Variants in CNTLN observed in about 807,000 individuals in gnomAD.
The protein encoded by CNTLN is centlein.
CNTLN carries 212 observed loss-of-function variants against 180.0 expected under a neutral mutation model. The observed-to-expected ratio is 1.18, with a 90% CI of 1.05 to 1.32. The LOEUF (loss-of-function observed/expected upper bound fraction) is 1.32, where lower values mean the gene tolerates loss of function less well. Among genes scored for constraint, CNTLN ranks in the 40% most tolerant of loss-of-function variants. The pLI, the probability that CNTLN is intolerant of heterozygous loss-of-function variation, is 0.00. For missense variants in CNTLN, 2,095 were observed against 1,610.9 expected, an observed-to-expected ratio of 1.30 and a Z score of -5.14; for synonymous variants, 722 against 563.1, an observed-to-expected ratio of 1.28 and a Z score of -3.99.
downstream of CNTLN, among the ~76,000 whole-genome samples, chr9:17,507,880 C>G (rs1429999766): frequency 6.6e-6 from 1 of 152,138 alleles, no homozygotes; most frequent in Non-Finnish European, 1.5e-5. Context: ...CAGCTCCTTC[C>G]AACACTTTTT....
chr9:17,250,598 A>G (rs1826079913), intron 5 of CNTLN, among the ~76,000 whole-genome samples: 1 of 152,052 alleles, frequency 6.6e-6, no homozygotes, highest in African/African-American at 2.4e-5. Context: ...AGTGTTTTTG[A>G]TAGTATACAA....
chr9:17,243,316 A>G (rs1358950871), intron 5 of CNTLN, among the ~76,000 whole-genome samples: 3 of 151,960 alleles, frequency 2.0e-5, no homozygotes, highest in South Asian at 4.1e-4. Context: ...TTTCAATTTC[A>G]TTGATTTCTG....
intron 8 of CNTLN, among the ~76,000 whole-genome samples, chr9:17,327,113 G>A (rs1820345853): frequency 1.3e-5 from 2 of 150,374 alleles, no homozygotes; most frequent in Admixed American, 1.3e-4. Context: ...ACTCTGCATA[G>A]TATCTGCTTA....
At chr9:17,307,713 T>G (rs1399409352) in intron 7 of CNTLN, among the ~76,000 whole-genome samples, 1 of 152,120 alleles carries the variant, frequency 6.6e-6, no homozygotes, top group African/African-American at 2.4e-5. Flanking sequence ...CAAGCCTTTT[T>G]AAATTTTAAA....
At chr9:17,195,609 A>G (rs919522347) in intron 2 of CNTLN, among the ~76,000 whole-genome samples, 1 of 152,194 alleles carries the variant, frequency 6.6e-6, no homozygotes, top group Non-Finnish European at 1.5e-5. Context: ...AATTAATTCA[A>G]AATTATTTAC....
chr9:17,277,645 T>C (rs1053880808), intron 6 of CNTLN, among the ~76,000 whole-genome samples: 3 of 152,062 alleles, frequency 2.0e-5, no homozygotes, highest in Admixed American at 6.6e-5. Context: ...CCCAAAATAA[T>C]TTATATATAG....
chr9:17,308,258 C>T (rs1264285552), intron 7 of CNTLN, among the ~76,000 whole-genome samples: 1 of 151,892 alleles, frequency 6.6e-6, no homozygotes, highest in African/African-American at 2.4e-5. Flanking sequence ...TGCATATTGC[C>T]TTGACTTAAA....
intron 23 of CNTLN, among the ~76,000 whole-genome samples, chr9:17,471,022 T>C (rs577301972): frequency 6.6e-6 from 1 of 152,144 alleles, no homozygotes; most frequent in South Asian, 2.1e-4. Context: ...GAATTAACTC[T>C]TTTCACCCTG....
chr9:17,363,456 T>C (rs1823564115), intron 12 of CNTLN, among the ~76,000 whole-genome samples: 1 of 152,094 alleles, frequency 6.6e-6, no homozygotes, highest in African/African-American at 2.4e-5. Flanking sequence ...TTTTGACTTA[T>C]GCTCCTTTTT....
At chr9:17,519,504 G>A in the CNTLN span, among the ~76,000 whole-genome samples, 3 of 152,072 alleles carry the variant, frequency 2.0e-5, no homozygotes, top group Non-Finnish European at 4.4e-5. Context: ...TAAAACAAAG[G>A]TTCACTGCTC....
chr9:17,441,773 AAC>A (rs932293082), intron 18 of CNTLN, among the ~76,000 whole-genome samples: 1 of 152,168 alleles, frequency 6.6e-6, no homozygotes, highest in Admixed American at 6.5e-5. Flanking sequence ...GGATTAAAAA[AAC>A]AGAATTCAGC....
chr9:17,468,999 G>C (rs1044368923), intron 23 of CNTLN, among the ~76,000 whole-genome samples: 3 of 151,546 alleles, frequency 2.0e-5, no homozygotes, highest in Admixed American at 6.6e-5. Flanking sequence ...ATATGGACAG[G>C]CTGTCTTCGG....
intron 2 of CNTLN, among the ~76,000 whole-genome samples, chr9:17,194,420 A>G (rs1295075215): frequency 1.3e-5 from 2 of 152,176 alleles, no homozygotes; most frequent in Non-Finnish European, 2.9e-5. Flanking sequence ...ACCCTAAATC[A>G]TCTCTCTCAA....
intron 18 of CNTLN, among the ~76,000 whole-genome samples, chr9:17,446,161 C>G (rs946601088): frequency 6.6e-6 from 1 of 152,132 alleles, no homozygotes; most frequent in Admixed American, 6.5e-5. Flanking sequence ...TGAATAAATA[C>G]TAAGGGAACT....
intron 16 of CNTLN, among the ~76,000 whole-genome samples, 192 bp downstream of exon 16, chr9:17,409,665 G>A (rs1012224306): frequency 6.6e-6 from 1 of 151,770 alleles, no homozygotes; most frequent in Non-Finnish European, 1.5e-5. Flanking sequence ...TTTCATAGAC[G>A]AAAATAAATA....
intron 20 of CNTLN, 22 bp from the exon 21 acceptor site, chr9:17,464,475 T>C (rs1588056059): frequency 6.5e-7 from 1 of 1,535,890 alleles, no homozygotes; most frequent in East Asian, 2.5e-5. Flanking sequence ...TCACTCTTGA[T>C]GTCACCTTTT....
rs16935383 is a variant in CNTLN, at chr9:17,163,413, T to A, written c.449+20037T>A. 0.018 allele frequency among the ~76,000 whole-genome samples: 2,793 copies of A among 152,366 alleles called. 171 individuals carry two copies. In the East Asian group the frequency reaches 0.23, roughly 12 times the overall value. On this transcript the variant is annotated intron_variant, in intron 2 of 25. Coordinates refer to ENST00000380647, the MANE Select transcript of CNTLN (RefSeq NM_017738.4). Reference sequence around the variant, plus strand: ...AGTATAACAAAGTACAAGTTGATACTGTGTTTTTGTGATTCATTAGATATC... The same window carrying A: ...AGTATAACAAAGTACAAGTTGATACAGTGTTTTTGTGATTCATTAGATATC...
chr9:17,308,917 C>G (rs1201572643), intron 7 of CNTLN, 141 bp from the exon 8 acceptor site: 1 of 392,336 alleles, frequency 2.5e-6, no homozygotes, highest in East Asian at 4.0e-5. Flanking sequence ...TCTTCTTTCT[C>G]TCTGAGACTA....
intron 12 of CNTLN, among the ~76,000 whole-genome samples, chr9:17,363,509 T>C (rs533516798): frequency 1.5e-3 from 225 of 151,914 alleles, no homozygotes; most frequent in African/African-American, 5.1e-3. Context: ...GTTTTTTTTT[T>C]CATTTCTCTT....
Sources: gnomAD v4.1 joint callset for allele counts (sites outside exome capture counted in the v4.1 genomes callset) on GRCh38, gnomAD v4.1.1 for gene constraint, MANE v1.5 for transcripts, NCBI Gene and HGNC (gene_info 2026-07-23, HGNC 2026-07-21) for gene names.